TMEM117: variants seen among roughly 807,000 people sequenced by gnomAD.
TMEM117 encodes the protein transmembrane protein 117.
In TMEM117, 27 loss-of-function variants were observed where a neutral mutation model predicts 52.4. The observed-to-expected ratio is 0.51, with a 90% confidence interval of 0.38 to 0.71. The LOEUF is 0.71. TMEM117 is among the 30% of genes least tolerant of loss of function. TMEM117 has a pLI of 0.00. For missense variants in TMEM117, 556 were observed against 630.5 expected (o/e 0.88, Z 1.26); for synonymous variants, 215 against 206.3 (o/e 1.04, Z -0.36).
intron 4 of TMEM117, among the ~76,000 whole-genome samples, chr12:44,151,854 AATATT>A (rs1390330713): frequency 7.3e-6 from 1 of 136,824 alleles, no homozygotes; most frequent in Non-Finnish European, 1.5e-5. Flanking sequence ...TATAATATAT[AATATT>A]ATATTTAATA....
chr12:44,115,243 G>T (rs1156791731), intron 3 of TMEM117, among the ~76,000 whole-genome samples: 1 of 152,118 alleles, frequency 6.6e-6, no homozygotes, highest in East Asian at 1.9e-4. Flanking sequence ...ACCCTCATAG[G>T]TGGGAATTGA....
chr12:44,291,424 G>GT, intron 5 of TMEM117, among the ~76,000 whole-genome samples: 1 of 98,616 alleles, frequency 1.0e-5, no homozygotes, highest in East Asian at 3.3e-4. Context: ...TTTCCTGTAT[G>GT]TAAGATCATG....
At chr12:44,387,078 AG>A (rs1427855288) in intron 7 of TMEM117, among the ~76,000 whole-genome samples, 1 of 151,862 alleles carries the variant, frequency 6.6e-6, no homozygotes, top group Non-Finnish European at 1.5e-5. Context: ...CAAACCTATG[AG>A]GTAGGTATTA....
rs565959966 is a variant in TMEM117, at chr12:44,361,789, CA to C, written c.769-14797del. 6.2e-3 allele frequency among the ~76,000 whole-genome samples: 931 copies of C among 151,220 alleles called. 8 individuals carry two copies. The highest frequency in any genetic ancestry group is 0.022 in the African/African-American group (902 of 41,258). On this transcript the variant is annotated intron_variant, in intron 6 of 7. Coordinates refer to ENST00000266534, the MANE Select transcript of TMEM117 (RefSeq NM_032256.3). ...AAATAGTCAAGAAGAGTTACATACA[CA>C]AAAAAAAATTGTGCCATTGTGATAG... is the stretch of plus-strand genomic sequence containing the variant.
chr12:43,939,837 C>A (rs1247546116), intron 2 of TMEM117, among the ~76,000 whole-genome samples: 1 of 152,220 alleles, frequency 6.6e-6, no homozygotes, highest in Non-Finnish European at 1.5e-5. Context: ...TTAATCGACT[C>A]TTAATTCCAC....
At chr12:44,002,808 G>A (rs1192227529) in intron 3 of TMEM117, among the ~76,000 whole-genome samples, 2 of 147,644 alleles carry the variant, frequency 1.4e-5, no homozygotes, top group African/African-American at 2.7e-5. Context: ...CAGCATGGAC[G>A]GAGAAGAGGA....
intron 2 of TMEM117, among the ~76,000 whole-genome samples, chr12:43,882,889 T>C (rs1417655163): frequency 6.6e-6 from 1 of 152,232 alleles, no homozygotes; most frequent in African/African-American, 2.4e-5. Flanking sequence ...ATAAAGATGT[T>C]CATTTCTCTG....
intron 3 of TMEM117, among the ~76,000 whole-genome samples, chr12:44,133,086 C>T (rs1254472079): frequency 6.6e-6 from 1 of 152,180 alleles, no homozygotes; most frequent in African/African-American, 2.4e-5. Flanking sequence ...CTTATGGTAG[C>T]ACAGGCATGG....
intron 3 of TMEM117, among the ~76,000 whole-genome samples, chr12:44,083,116 A>G (rs1003635512): frequency 1.4e-4 from 22 of 152,074 alleles, no homozygotes; most frequent in African/African-American, 5.1e-4. Flanking sequence ...TCCCAATTTT[A>G]TATGTGCTGC....
At chr12:44,221,962 G>A (rs1319549379) in intron 5 of TMEM117, among the ~76,000 whole-genome samples, 1 of 151,992 alleles carries the variant, frequency 6.6e-6, no homozygotes, top group East Asian at 1.9e-4. Flanking sequence ...GCCTCCCAAA[G>A]TGTTGGGATT....
At chr12:44,032,279 T>C (rs1213444443) in intron 3 of TMEM117, among the ~76,000 whole-genome samples, 2 of 152,236 alleles carry the variant, frequency 1.3e-5, no homozygotes, top group Non-Finnish European at 2.9e-5. Context: ...TTGTCTTTAG[T>C]AAAGATGGAA....
chr12:43,992,401 G>A (rs148334366), intron 3 of TMEM117, among the ~76,000 whole-genome samples: 10 of 152,060 alleles, frequency 6.6e-5, no homozygotes, highest in African/African-American at 2.2e-4. Flanking sequence ...CCAAGTAGCT[G>A]GGACTACAGG....
chr12:43,976,425 A>T (rs1292859696), intron 3 of TMEM117, among the ~76,000 whole-genome samples: 1 of 152,098 alleles, frequency 6.6e-6, no homozygotes, highest in African/African-American at 2.4e-5. Context: ...CAACGCTCAC[A>T]TTTATTTAGT....
intron 6 of TMEM117, among the ~76,000 whole-genome samples, chr12:44,311,839 GTATATATATGTATATATGTA>G (rs1565701697): frequency 4.5e-4 from 24 of 53,326 alleles, no homozygotes; most frequent in East Asian, 1.3e-3. Flanking sequence ...ATGTATATAT[GTATATATATGTATATATGTA>G]TATATATGTA....
At chr12:44,058,310 A>G (rs943500260) in intron 3 of TMEM117, among the ~76,000 whole-genome samples, 1 of 152,166 alleles carries the variant, frequency 6.6e-6, no homozygotes, top group African/African-American at 2.4e-5. Context: ...AAAAAGTCTG[A>G]AACCTGTATT....
intron 3 of TMEM117, among the ~76,000 whole-genome samples, chr12:43,951,126 C>A (rs1316344471): frequency 6.6e-6 from 1 of 152,188 alleles, no homozygotes; most frequent in African/African-American, 2.4e-5. Context: ...GGTTACTATG[C>A]TTTTCCCATG....
intron 3 of TMEM117, among the ~76,000 whole-genome samples, chr12:43,968,177 A>T (rs1945516434): frequency 6.6e-6 from 1 of 152,170 alleles, no homozygotes; most frequent in Admixed American, 6.5e-5. Flanking sequence ...TTGAATGCAA[A>T]TTTTTCCTGT....
the TMEM117 span, among the ~76,000 whole-genome samples, chr12:43,814,997 G>A: frequency 6.6e-6 from 1 of 151,824 alleles, no homozygotes; most frequent in Admixed American, 6.6e-5. Flanking sequence ...CGCCCGCCTC[G>A]GCCTCCCAAA....
rs73090702 is a variant in TMEM117, at chr12:44,384,216, G to A, written c.899-3810G>A. ...GATGAACATCCTTCCTCTGTAAACAGATAAATGAACTAGAGGTCATGTCAG... is the reference window on the plus strand; with the variant it reads ...GATGAACATCCTTCCTCTGTAAACAAATAAATGAACTAGAGGTCATGTCAG... On this transcript the variant is annotated intron_variant, in intron 7 of 7. Coordinates refer to ENST00000266534, the MANE Select transcript of TMEM117 (RefSeq NM_032256.3). Among the ~76,000 whole-genome samples the A allele has an allele frequency of 5.1e-3, 781 of 152,136 alleles. 3 individuals are homozygous for A. The highest frequency in any genetic ancestry group is 0.014 in the Middle Eastern group (4 of 294).
Sources: gnomAD v4.1 joint callset for allele counts (sites outside exome capture counted in the v4.1 genomes callset) on GRCh38, gnomAD v4.1.1 for gene constraint, MANE v1.5 for transcripts, NCBI Gene and HGNC (gene_info 2026-07-23, HGNC 2026-07-21) for gene names.